The following PDE5A variants were observed in gnomAD, a reference collection of about 807,000 sequenced individuals.
PDE5A encodes the protein cGMP-specific 3',5'-cyclic phosphodiesterase.
A neutral mutation model predicts 110.2 loss-of-function variants in PDE5A; 67 were observed. The ratio of observed to expected loss-of-function variants is 0.61; its 90% CI spans 0.50 to 0.75. The LOEUF is 0.75. PDE5A is among the 30% of genes least tolerant of loss of function. PDE5A has a pLI of 0.00. For synonymous variants in PDE5A, 328 were observed against 351.2 expected, an observed-to-expected ratio of 0.93 and a Z score of 0.74; for missense variants, 862 against 1,045.1, an observed-to-expected ratio of 0.82 and a Z score of 2.42.
At chr4:119,503,747 C>G (rs1000109247) in intron 18 of PDE5A, among the ~76,000 whole-genome samples, 4 of 152,042 alleles carry the variant, frequency 2.6e-5, no homozygotes, top group Non-Finnish European at 4.4e-5. Flanking sequence ...GTATGCTCAG[C>G]CTTTCACACT....
chr4:119,501,457 G>A (rs987439406), intron 19 of PDE5A, among the ~76,000 whole-genome samples: 5 of 151,990 alleles, frequency 3.3e-5, no homozygotes, highest in Admixed American at 2.0e-4. Flanking sequence ...GCAGTACCAC[G>A]CCTGGCTGAT....
intron 18 of PDE5A, 81 bp downstream of exon 18, chr4:119,504,455 G>C: frequency 2.0e-6 from 2 of 1,024,854 alleles, no homozygotes; most frequent in African/African-American, 3.2e-5. Context: ...TTTTTCTTTA[G>C]GTAGATACCT....
chr4:119,506,583 A>G (rs746029789), intron 16 of PDE5A, among the ~76,000 whole-genome samples: 1 of 151,854 alleles, frequency 6.6e-6, no homozygotes, highest in Non-Finnish European at 1.5e-5. Flanking sequence ...TATGGTTATA[A>G]AAAATGAAAA....
At chr4:119,590,221 T>G (rs892539937) in intron 3 of PDE5A, among the ~76,000 whole-genome samples, 4 of 152,206 alleles carry the variant, frequency 2.6e-5, no homozygotes, top group Non-Finnish European at 1.5e-5. Context: ...GTCATGAAGA[T>G]TAAATGAACT....
At chr4:119,570,445 G>A (rs1446760807) in intron 3 of PDE5A, among the ~76,000 whole-genome samples, 5 of 152,090 alleles carry the variant, frequency 3.3e-5, no homozygotes, top group Admixed American at 2.6e-4. Context: ...GGCACTCCAC[G>A]CTATTTCTGT....
chr4:119,556,903 T>C (rs1447874851), intron 7 of PDE5A, among the ~76,000 whole-genome samples: 2 of 152,206 alleles, frequency 1.3e-5, no homozygotes, highest in Non-Finnish European at 2.9e-5. Flanking sequence ...AATGTTAGGC[T>C]AGGACAGATA....
intron 4 of PDE5A, 111 bp downstream of exon 4, chr4:119,566,962 A>G (rs1727956561): frequency 2.6e-6 from 2 of 756,176 alleles, no homozygotes; most frequent in South Asian, 1.6e-5. Flanking sequence ...TTTTAACTCT[A>G]ATTTTTTTGT....
At chr4:119,599,982 CT>C (rs1371116008) in intron 2 of PDE5A, among the ~76,000 whole-genome samples, 1 of 152,044 alleles carries the variant, frequency 6.6e-6, no homozygotes, top group Non-Finnish European at 1.5e-5. Flanking sequence ...AAGAAAACTA[CT>C]ATCAACTGAT....
intron 3 of PDE5A, among the ~76,000 whole-genome samples, chr4:119,578,992 G>GA (rs1281350524): frequency 6.6e-6 from 1 of 151,678 alleles, no homozygotes; most frequent in Non-Finnish European, 1.5e-5. Context: ...AAATTTACAA[G>GA]AAAAAAACAA....
intron 3 of PDE5A, among the ~76,000 whole-genome samples, chr4:119,574,179 C>CTTTTTT (rs70944893): frequency 6.4e-4 from 57 of 89,190 alleles, no homozygotes; most frequent in Admixed American, 1.0e-3. Flanking sequence ...AAAATATAGG[C>CTTTTTT]TTTTTTTTTT....
chr4:119,563,557 G>A (rs1400046074), intron 5 of PDE5A, among the ~76,000 whole-genome samples: 3 of 152,086 alleles, frequency 2.0e-5, no homozygotes, highest in African/African-American at 4.8e-5. Flanking sequence ...TCTGAAAGAT[G>A]AGCAGGAATC....
At chr4:119,592,486 A>AAAAAAAAAAC (rs1729013031) in intron 3 of PDE5A, among the ~76,000 whole-genome samples, 1 of 138,462 alleles carries the variant, frequency 7.2e-6, no homozygotes, top group Non-Finnish European at 1.6e-5. Context: ...AAAAAAAAAA[A>AAAAAAAAAAC]AGCTGTGTTC....
intron 12 of PDE5A, among the ~76,000 whole-genome samples, chr4:119,523,993 C>G (rs754753830): frequency 8.6e-5 from 13 of 151,996 alleles, no homozygotes; most frequent in Middle Eastern, 3.2e-3. Flanking sequence ...GCCTTATGAC[C>G]TACTATTGAG....
chr4:119,527,916 T>C (rs1726385169), intron 11 of PDE5A, among the ~76,000 whole-genome samples: 1 of 152,240 alleles, frequency 6.6e-6, no homozygotes. Flanking sequence ...CCACCCAATA[T>C]TGCTTATTTA....
At chr4:119,606,378 T>C (rs991016486) in intron 2 of PDE5A, among the ~76,000 whole-genome samples, 1 of 152,116 alleles carries the variant, frequency 6.6e-6, no homozygotes, top group African/African-American at 2.4e-5. Flanking sequence ...GGGGATAACA[T>C]AGATGGGGAT....
At chr4:119,539,069 T>C in intron 10 of PDE5A, 50 bp from the exon 11 acceptor site, 1 of 1,341,914 alleles carries the variant, frequency 7.5e-7, no homozygotes, top group Non-Finnish European at 1.1e-6. Flanking sequence ...AACTACCACA[T>C]GTAGACTAGA....
rs1725015737 is a variant in PDE5A at position 119,495,143 on chromosome 4, T to TA, written c.*3457dup. The TA allele has an allele frequency of 3.3e-5, 5 of 152,232 alleles. No individual in the cohort carries two copies. The East Asian group carries it at 9.7e-4, about 29-fold the overall frequency. The allele number at this position is 152,232 out of a possible 1,614,324, so 9.4% of individuals were successfully genotyped here. Reference sequence around the variant, plus strand: ...TCAGGTAAAGAAGGTGCATAAAACATATGTTATTGATGAAAATGGAAATGA... The same window carrying TA: ...TCAGGTAAAGAAGGTGCATAAAACATAATGTTATTGATGAAAATGGAAATGA... On this transcript the variant is annotated 3_prime_UTR_variant, in exon 21 of 21. Coordinates refer to ENST00000354960, the MANE Select transcript of PDE5A (RefSeq NM_001083.4).
At chr4:119,604,963 T>A (rs1297352257) in intron 2 of PDE5A, among the ~76,000 whole-genome samples, 1 of 152,184 alleles carries the variant, frequency 6.6e-6, no homozygotes, top group Non-Finnish European at 1.5e-5. Context: ...AGGTCCTTAC[T>A]TCCTCATACT....
chr4:119,555,652 T>C (rs1560613820), intron 7 of PDE5A, among the ~76,000 whole-genome samples: 1 of 152,160 alleles, frequency 6.6e-6, no homozygotes, highest in East Asian at 1.9e-4. Flanking sequence ...ATCATCATTA[T>C]TTTAATTATC....
Sources: gnomAD v4.1 joint callset for allele counts (sites outside exome capture counted in the v4.1 genomes callset) on GRCh38, gnomAD v4.1.1 for gene constraint, MANE v1.5 for transcripts, NCBI Gene and HGNC (gene_info 2026-07-23, HGNC 2026-07-21) for gene names.